Variants in TENM3 observed in about 807,000 individuals in gnomAD.
TENM3 encodes teneurin-3.
In TENM3, 63 loss-of-function variants were observed where a neutral mutation model predicts 255.1. The ratio of observed to expected loss-of-function variants is 0.25; its 90% CI spans 0.20 to 0.30. The LOEUF is 0.30. TENM3 is among the 10% of genes least tolerant of loss of function. TENM3 has a pLI of 1.00. For synonymous variants in TENM3, 1,306 were observed against 1,322.3 expected (o/e 0.99, Z 0.27); for missense variants, 2,929 against 3,461.1 (o/e 0.85, Z 3.86).
At chr4:182,225,869 C>A (rs986748083) in intron 1 of TENM3, among the ~76,000 whole-genome samples, 3 of 152,168 alleles carry the variant, frequency 2.0e-5, no homozygotes, top group Non-Finnish European at 4.4e-5. Flanking sequence ...GAATTTGATC[C>A]AATCTAGCAG....
the TENM3 span, among the ~76,000 whole-genome samples, chr4:181,833,899 G>A: frequency 6.0e-4 from 92 of 152,154 alleles, no homozygotes; most frequent in African/African-American, 2.2e-3. Flanking sequence ...CACAGCACCT[G>A]GCACTTAGTT....
chr4:182,351,163 A>C (rs897634640), intron 3 of TENM3, among the ~76,000 whole-genome samples: 1 of 151,986 alleles, frequency 6.6e-6, no homozygotes, highest in Non-Finnish European at 1.5e-5. Flanking sequence ...ACTCAGTGTC[A>C]AGAGATGTGC....
At chr4:182,257,300 ATG>A (rs1758468365) in intron 1 of TENM3, among the ~76,000 whole-genome samples, 1 of 152,074 alleles carries the variant, frequency 6.6e-6, no homozygotes, top group South Asian at 2.1e-4. Flanking sequence ...AGATATACAT[ATG>A]TGTGTGTGTT....
chr4:181,571,481 T>TACTA, the TENM3 span, among the ~76,000 whole-genome samples: 6 of 152,058 alleles, frequency 3.9e-5, no homozygotes, highest in African/African-American at 9.7e-5. Context: ...GGACTACAGG[T>TACTA]AGTTGCCACC....
intron 3 of TENM3, among the ~76,000 whole-genome samples, chr4:182,597,020 C>A (rs1747310668): frequency 6.6e-6 from 1 of 152,164 alleles, no homozygotes; most frequent in Non-Finnish European, 1.5e-5. Flanking sequence ...TTTATAGTCT[C>A]CAAGTCTAGA....
At chr4:181,871,062 C>T in the TENM3 span, among the ~76,000 whole-genome samples, 6 of 152,022 alleles carry the variant, frequency 3.9e-5, no homozygotes, top group Admixed American at 6.6e-5. Context: ...TTTTAGTGAA[C>T]GTTGATGGGT....
chr4:181,811,170 G>T, the TENM3 span, among the ~76,000 whole-genome samples: 1 of 152,142 alleles, frequency 6.6e-6, no homozygotes, highest in African/African-American at 2.4e-5. Flanking sequence ...ATATTTTAGA[G>T]GCAGCAGCCT....
chr4:181,823,100 C>G, the TENM3 span, among the ~76,000 whole-genome samples: 1 of 152,134 alleles, frequency 6.6e-6, no homozygotes, highest in Non-Finnish European at 1.5e-5. Context: ...AGTACGAAGT[C>G]AAGCATGATA....
chr4:182,021,991 A>T, the TENM3 span, among the ~76,000 whole-genome samples: 1 of 152,158 alleles, frequency 6.6e-6, no homozygotes, highest in East Asian at 1.9e-4. Context: ...GAAATTTCTC[A>T]AAGAACTAAA....
intron 3 of TENM3, among the ~76,000 whole-genome samples, chr4:182,474,334 T>G (rs1733453869): frequency 6.6e-6 from 1 of 152,234 alleles, no homozygotes; most frequent in Non-Finnish European, 1.5e-5. Context: ...CATCAGCATT[T>G]GCTCTCTATG....
chr4:181,771,215 G>A, the TENM3 span, among the ~76,000 whole-genome samples: 58,381 of 152,128 alleles, frequency 0.38, 11,791 homozygotes, highest in Non-Finnish European at 0.43. Flanking sequence ...AATAGAAAGA[G>A]AGGAATTCCA....
chr4:182,478,773 G>A (rs977548448), intron 3 of TENM3, among the ~76,000 whole-genome samples: 3 of 151,480 alleles, frequency 2.0e-5, no homozygotes, highest in Non-Finnish European at 4.4e-5. Flanking sequence ...AAATCTTTAT[G>A]GATTATACTT....
At chr4:181,463,596 T>G in the TENM3 span, among the ~76,000 whole-genome samples, 1 of 152,220 alleles carries the variant, frequency 6.6e-6, no homozygotes, top group Non-Finnish European at 1.5e-5. Context: ...AAAAGATTTT[T>G]GGTTGTTGTC....
chr4:182,681,733 T>C, intron 10 of TENM3, 81 bp from the exon 11 acceptor site: 1 of 1,010,228 alleles, frequency 9.9e-7, no homozygotes, highest in Non-Finnish European at 1.4e-6. Context: ...TCATATAAAT[T>C]AGATTAGGAT....
chr4:182,218,488 T>C (rs1210098608), intron 1 of TENM3, among the ~76,000 whole-genome samples: 1 of 152,164 alleles, frequency 6.6e-6, no homozygotes, highest in East Asian at 1.9e-4. Context: ...GTGAGTAGGG[T>C]CATCTTAGCC....
At chr4:181,625,082 G>A in the TENM3 span, among the ~76,000 whole-genome samples, 60,475 of 152,018 alleles carry the variant, frequency 0.4, 12,425 homozygotes, top group Non-Finnish European at 0.45. Flanking sequence ...ATCCAGTACA[G>A]GGCCCATCCT....
the TENM3 span, among the ~76,000 whole-genome samples, chr4:182,113,404 AGAG>A: frequency 6.6e-6 from 1 of 152,180 alleles, no homozygotes; most frequent in South Asian, 2.1e-4. Context: ...GAACTCACAG[AGAG>A]GAGAATGAAA....
rs1764865492 is a variant in TENM3, at chr4:182,346,995, C to CGT, written c.511+67_511+68insTG. On this transcript the variant is annotated intron_variant, in intron 3 of 27. Coordinates refer to ENST00000511685, the MANE Select transcript of TENM3 (RefSeq NM_001080477.4). ...CTTCTGTCTGTTTTGGTTGACTCCG[C>CGT]GGGGGGGGATGTTTTTCTTTCTCTC... 40 of 846,822 alleles carry CGT rather than the reference C, an allele frequency of 4.7e-5. 4 individuals carry two copies. In the South Asian group the frequency reaches 9.9e-4, roughly 21 times the overall value. 52.5% of individuals were successfully genotyped at this position (846,822 alleles called of 1,614,324 possible).
rs116678117 is a variant in TENM3 at position 182,715,211 on chromosome 4, G to A, written c.2368+978G>A. Among the ~76,000 whole-genome samples the A allele has an allele frequency of 9.5e-3, 1,440 of 152,250 alleles. 19 individuals carry two copies. The highest frequency in any genetic ancestry group is 0.032 in the African/African-American group (1,326 of 41,532). ...TGTTCAGTTTTGACATAGCTTTAGCGCTGCATTTTTAGGAGGGCTGTAGTT... is the reference window on the plus strand; with the variant it reads ...TGTTCAGTTTTGACATAGCTTTAGCACTGCATTTTTAGGAGGGCTGTAGTT... On this transcript the variant is annotated intron_variant, in intron 13 of 27. Transcript: ENST00000511685.
Sources: gnomAD v4.1 joint callset for allele counts (sites outside exome capture counted in the v4.1 genomes callset) on GRCh38, gnomAD v4.1.1 for gene constraint, MANE v1.5 for transcripts, NCBI Gene and HGNC (gene_info 2026-07-23, HGNC 2026-07-21) for gene names.